Variants in LORICRIN observed in about 807,000 individuals in gnomAD.
The protein encoded by LORICRIN is loricrin cornified envelope precursor protein.
A neutral mutation model predicts 3.3 loss-of-function variants in LORICRIN; 5 were observed. The ratio of observed to expected loss-of-function variants is 1.52; its 90% CI spans 0.79 to 3.19. The LOEUF is 3.19. Ranked by LOEUF, LORICRIN falls within the 30% of genes most tolerant of loss-of-function variation. LORICRIN has a pLI of 0.00. For synonymous variants in LORICRIN, 237 were observed against 231.4 expected (o/e 1.02, Z -0.22); for missense variants, 524 against 460.2 (o/e 1.14, Z -1.27).
chr1:153,261,430 TA>T lies in LORICRIN; in HGVS notation c.482del (p.Tyr161SerfsTer178). On this transcript the variant is annotated frameshift_variant, in exon 2 of 2. Transcript: ENST00000368742. LOFTEE classifies it low-confidence loss of function (END_TRUNC). ...GGGCCAGGCGGTCCAGTGCCAGAGCTACGGAGGCGTCTCTAGCGGCGGCTCC... is the reference window on the plus strand; with the variant it reads ...GGGCCAGGCGGTCCAGTGCCAGAGCTCGGAGGCGTCTCTAGCGGCGGCTCC... ...FSGQAVQCQS[Y>X]GGVSSGGSSG... is the part of the protein sequence containing the mutation. 1 of 1,478,044 alleles carries T rather than the reference TA, an allele frequency of 6.8e-7. No individual in the cohort carries two copies. The highest frequency in any genetic ancestry group is 1.3e-5 in the South Asian group (1 of 79,292). 91.6% of individuals were successfully genotyped at this position (1,478,044 alleles called of 1,614,324 possible).
intron 1 of LORICRIN, 127 bp from the exon 2 acceptor site, chr1:153,260,800 C>T (rs895792078): frequency 1.7e-6 from 1 of 596,866 alleles, no homozygotes; most frequent in Non-Finnish European, 2.9e-6. Flanking sequence ...TCATAAGAAA[C>T]CCCGCTGAGG....
In LORICRIN at chr1:153,261,723, G is replaced by A; in HGVS notation, c.774G>A (p.Gly258=). The change falls in exon 2 of 2, where the codon GGG becomes GGA. Residue 258 remains glycine, a synonymous_variant. Coordinates refer to ENST00000368742, the MANE Select transcript of LORICRIN (RefSeq NM_000427.3). ...CCGGCTGCGGCGGCGGCTCCTCCGG[G>A]ATTGGCAGCGGCTGCATCATCAGTG... is the stretch of plus-strand genomic sequence containing the variant. ...GSSGCGGGSS[G]IGSGCIISGG... The A allele has an allele frequency of 6.4e-7, 1 of 1,570,408 alleles. No homozygotes were observed. Among genetic ancestry groups the A allele is most frequent in the Non-Finnish European group, 8.6e-7 (1 of 1,165,386 alleles).
At position 153,261,492 on chromosome 1, in the gene LORICRIN, G is replaced by GGGCGGC; in HGVS notation, c.547_552dup (p.Gly183_Gly184dup). ...GCTCCGGCTGCTTCTCCAGCGGCGG[G>GGGCGGC]GGCGGCGGCTCTGTCTGCGGCTACT... On this transcript the variant is annotated inframe_insertion, in exon 2 of 2. Coordinates refer to ENST00000368742, the MANE Select transcript of LORICRIN (RefSeq NM_000427.3). The GGGCGGC allele has an allele frequency of 6.8e-7, 1 of 1,467,862 alleles. No individual in the cohort carries two copies. Among genetic ancestry groups the GGGCGGC allele is most frequent in the Non-Finnish European group, 9.0e-7 (1 of 1,113,120 alleles). The allele number at this position is 1,467,862 out of a possible 1,614,324, so 90.9% of individuals were successfully genotyped here. A position where few individuals can be genotyped will look rare whatever the true frequency, so the allele number is the denominator to read the frequency against.
In LORICRIN at chr1:153,260,959, C is replaced by T. The variant is rs543979083; in HGVS notation, c.10C>T (p.Gln4Ter). ...TTCCTTCTCAGACAAGATGTCTTAT[C>T]AGAAAAAGCAGCCCACCCCTCAGCC... MSY[Q>*]KKQPTPQPPV... The change falls in exon 2 of 2, where the codon CAG becomes TAG. Residue 4 changes from glutamine to a stop codon, truncating the protein, a stop_gained. Coordinates refer to ENST00000368742, the MANE Select transcript of LORICRIN (RefSeq NM_000427.3). LOFTEE classifies it low-confidence loss of function (END_TRUNC). 1.8e-5 allele frequency: 28 copies of T among 1,597,512 alleles called. No homozygotes were observed. The highest frequency in any genetic ancestry group is 2.4e-5 in the Non-Finnish European group (28 of 1,172,184).
In LORICRIN at chr1:153,261,721, G is replaced by A; in HGVS notation, c.772G>A (p.Gly258Arg). The A allele has an allele frequency of 2.6e-6, 4 of 1,565,278 alleles. No homozygotes were observed. The highest frequency in any genetic ancestry group is 3.4e-6 in the Non-Finnish European group (4 of 1,163,762). ...CTCCGGCTGCGGCGGCGGCTCCTCC[G>A]GGATTGGCAGCGGCTGCATCATCAG... is the stretch of plus-strand genomic sequence containing the variant. ...GSSGCGGGSS[G>R]IGSGCIISGG... The change falls in exon 2 of 2, where the codon GGG becomes AGG. Residue 258 changes from glycine to arginine, a missense_variant. Physicochemically the swap from Gly to Arg is moderately radical, Grantham distance 125. Transcript: ENST00000368742.
At position 153,261,033 on chromosome 1, in the gene LORICRIN, C is replaced by A; in HGVS notation, c.84C>A (p.Gly28=). The change falls in exon 2 of 2, where the codon GGC becomes GGA. Residue 28 remains glycine (G), a synonymous_variant. Transcript: ENST00000368742. ...KTSGGGGGGG[G]SGGGGCGFFG... is the part of the protein sequence containing the mutation. ...CTGGCGGCGGTGGCGGTGGCGGCGG[C>A]AGCGGCGGTGGTGGCTGCGGCTTCT... 1 of 1,506,856 alleles carries A rather than the reference C, an allele frequency of 6.6e-7. No individual in the cohort carries two copies. The highest frequency in any genetic ancestry group is 9.1e-7 in the Non-Finnish European group (1 of 1,103,358). 93.3% of individuals were successfully genotyped at this position (1,506,856 alleles called of 1,614,324 possible). A position where few individuals can be genotyped will look rare whatever the true frequency, so the allele number is the denominator to read the frequency against.
chr1:153,261,421 T>C lies in LORICRIN; in HGVS notation c.472T>C (p.Cys158Arg). Residue 158 changes from cysteine (C) to arginine (R), a missense_variant, in exon 2 of 2, where the codon TGC becomes CGC. Coordinates refer to ENST00000368742, the MANE Select transcript of LORICRIN (RefSeq NM_000427.3). ...CGGCTTCTCGGGCCAGGCGGTCCAGTGCCAGAGCTACGGAGGCGTCTCTAG... is the reference window on the plus strand; with the variant it reads ...CGGCTTCTCGGGCCAGGCGGTCCAGCGCCAGAGCTACGGAGGCGTCTCTAG... ...GGGFSGQAVQ[C>R]QSYGGVSSGG... 1 of 1,460,762 alleles carries C rather than the reference T, an allele frequency of 6.8e-7. No homozygotes were observed. The highest frequency in any genetic ancestry group is 1.3e-5 in the South Asian group (1 of 79,088). 90.5% of individuals were successfully genotyped at this position (1,460,762 alleles called of 1,614,324 possible). A position where few individuals can be genotyped will look rare whatever the true frequency, so the allele number is the denominator to read the frequency against.
Position 153,261,167 on chromosome 1 carries a change from G to T in LORICRIN, c.218G>T (p.Gly73Val). 7.5e-7 allele frequency: 1 copy of T among 1,340,050 alleles called. No homozygotes were observed. Among genetic ancestry groups the T allele is most frequent in the Non-Finnish European group, 9.5e-7 (1 of 1,055,686 alleles). The allele number at this position is 1,340,050 out of a possible 1,614,324, so 83.0% of individuals were successfully genotyped here. The change falls in exon 2 of 2, where the codon GGC (glycine) becomes GTC (valine). Residue 73 changes from glycine to valine, a missense_variant. By Grantham distance (109) the Gly-to-Val change is moderately radical (BLOSUM62 -3). Coordinates refer to ENST00000368742, the MANE Select transcript of LORICRIN (RefSeq NM_000427.3). ...GCGGGSSGGG[G>V]GGGIGGCGGG... ...GGCGGGGGCTCCTCCGGCGGCGGGGGCGGGGGCGGCATTGGAGGCTGCGGA... is the reference window on the plus strand; with the variant it reads ...GGCGGGGGCTCCTCCGGCGGCGGGGTCGGGGGCGGCATTGGAGGCTGCGGA...
In LORICRIN at chr1:153,261,586, C is replaced by T; in HGVS notation, c.637C>T (p.Gln213Ter). The T allele has an allele frequency of 6.6e-7, 1 of 1,514,080 alleles. No homozygotes were observed. The highest frequency in any genetic ancestry group is 8.8e-7 in the Non-Finnish European group (1 of 1,139,144). The allele number at this position is 1,514,080 out of a possible 1,614,324, so 93.8% of individuals were successfully genotyped here. A position where few individuals can be genotyped will look rare whatever the true frequency, so the allele number is the denominator to read the frequency against. Residue 213 changes from glutamine (Q) to a stop codon, truncating the protein, a stop_gained, in exon 2 of 2, where the codon CAG becomes TAG. Transcript: ENST00000368742. LOFTEE classifies it low-confidence loss of function (END_TRUNC). ...CGGCTCCGGCTACGTCTCCTCGCAG[C>T]AGGTCACTCAGACCTCGTGCGCGCC... Reference protein sequence around the residue: ...GSGSGYVSSQQVTQTSCAPQP... With the variant: ...GSGSGYVSSQ
rs571942964 is a variant in LORICRIN, at chr1:153,261,675, C to T, written c.726C>T (p.Ser242=). 2.1e-4 allele frequency: 316 copies of T among 1,521,264 alleles called. No individual in the cohort carries two copies. The highest frequency in any genetic ancestry group is 2.7e-4 in the Non-Finnish European group (305 of 1,144,072). The allele number at this position is 1,521,264 out of a possible 1,614,324, so 94.2% of individuals were successfully genotyped here. A position where few individuals can be genotyped will look rare whatever the true frequency, so the allele number is the denominator to read the frequency against. The part of the protein sequence containing the change: ...GGGSGGSGCF[S]SGGGGGSSGC... ...GCAGCGGCGGAAGCGGCTGCTTCTC[C>T]AGCGGCGGGGGCGGCGGGAGCTCCG... The change falls in exon 2 of 2, where the codon TCC becomes TCT. Residue 242 remains serine (S), a synonymous_variant. Coordinates refer to ENST00000368742, the MANE Select transcript of LORICRIN (RefSeq NM_000427.3).
Position 153,260,914 on chromosome 1 carries a change from TCTC to T in LORICRIN, c.-23-11_-23-9del. The T allele has an allele frequency of 6.5e-7, 1 of 1,538,454 alleles. No homozygotes were observed. Among genetic ancestry groups the T allele is most frequent in the Non-Finnish European group, 8.9e-7 (1 of 1,127,156 alleles). ...TGCAGCTGGTCCAGCGATGCTCTCTTCTCCCCTTCCAGGCTCTCCTTCCTTCTC... is the reference window on the plus strand; with the variant it reads ...TGCAGCTGGTCCAGCGATGCTCTCTTCCCTTCCAGGCTCTCCTTCCTTCTC... On this transcript the variant is annotated splice_polypyrimidine_tract_variant and intron_variant, in intron 1 of 1. Transcript: ENST00000368742.
In LORICRIN at chr1:153,261,137, G is replaced by T. The variant is rs895518539; in HGVS notation, c.188G>T (p.Gly63Val). The change falls in exon 2 of 2, where the codon GGC becomes GTC. Residue 63 changes from glycine to valine, a missense_variant. Physicochemically the swap from Gly to Val is moderately radical, Grantham distance 109. Coordinates refer to ENST00000368742, the MANE Select transcript of LORICRIN (RefSeq NM_000427.3). ...GGCGGCGGTGGCTACTCTGGCGGCGGCTGCGGCGGGGGCTCCTCCGGCGGC... is the reference window on the plus strand; with the variant it reads ...GGCGGCGGTGGCTACTCTGGCGGCGTCTGCGGCGGGGGCTCCTCCGGCGGC... The part of the protein sequence containing the change: ...YSGGGGYSGG[G>V]CGGGSSGGGG... The T allele has an allele frequency of 7.4e-7, 1 of 1,351,310 alleles. No homozygotes were observed. 83.7% of individuals were successfully genotyped at this position (1,351,310 alleles called of 1,614,324 possible). A position where few individuals can be genotyped will look rare whatever the true frequency, so the allele number is the denominator to read the frequency against.
rs886041212 is a variant in LORICRIN at position 153,261,627 on chromosome 1, A to AG, written c.684dup (p.Ser229ValfsTer107). On this transcript the variant is annotated frameshift_variant, in exon 2 of 2. Transcript: ENST00000368742. LOFTEE classifies it low-confidence loss of function (END_TRUNC). The stretch of plus-strand genomic sequence containing the variant: ...CGTGCGCGCCCCAGCCGAGTTACGG[A>AG]GGGGGGTCGTCCGGCGGCGGCGGCA... 2.7e-6 allele frequency: 4 copies of AG among 1,487,824 alleles called. No individual in the cohort carries two copies. The highest frequency in any genetic ancestry group is 3.5e-6 in the Non-Finnish European group (4 of 1,127,808). 92.2% of individuals were successfully genotyped at this position (1,487,824 alleles called of 1,614,324 possible).
Position 153,261,734 on chromosome 1 carries a change from G to C in LORICRIN, c.785G>C (p.Gly262Ala). The C allele has an allele frequency of 6.3e-7, 1 of 1,586,844 alleles. No homozygotes were observed. ...GGCGGCTCCTCCGGGATTGGCAGCG[G>C]CTGCATCATCAGTGGCGGGGGCTCC... ...CGGGSSGIGS[G>A]CIISGGGSVC... The change falls in exon 2 of 2, where the codon GGC (glycine) becomes GCC (alanine). Residue 262 changes from glycine (G) to alanine (A), a missense_variant. Physicochemically the swap from Gly to Ala is moderately conservative, Grantham distance 60. Coordinates refer to ENST00000368742, the MANE Select transcript of LORICRIN (RefSeq NM_000427.3).
At chr1:153,260,447 G>A (rs181486062) in intron 1 of LORICRIN, among the ~76,000 whole-genome samples, 4 of 152,302 alleles carry the variant, frequency 2.6e-5, no homozygotes, top group African/African-American at 9.6e-5. Flanking sequence ...AGAGGATGGA[G>A]TGCAACAGCC....
chr1:153,259,988 T>C (rs919349168), intron 1 of LORICRIN, among the ~76,000 whole-genome samples: 10 of 152,102 alleles, frequency 6.6e-5, no homozygotes, highest in African/African-American at 2.4e-4. Flanking sequence ...GGCACCCGCA[T>C]AGGGGCAGGC....
rs769353128 is a variant in LORICRIN, at chr1:153,261,031, GGCA to G, written c.85_87del (p.Ser29del). The stretch of plus-strand genomic sequence containing the variant: ...CTCTGGCGGCGGTGGCGGTGGCGGC[GGCA>G]GCGGCGGTGGTGGCTGCGGCTTCTT... On this transcript the variant is annotated inframe_deletion, in exon 2 of 2. Coordinates refer to ENST00000368742, the MANE Select transcript of LORICRIN (RefSeq NM_000427.3). 163 of 1,551,714 alleles carry G rather than the reference GGCA, an allele frequency of 1.1e-4. No individual in the cohort carries two copies. The highest frequency in any genetic ancestry group is 1.2e-4 in the Non-Finnish European group (141 of 1,142,610).
At chr1:153,260,721 G>C (rs1372638309) in intron 1 of LORICRIN, among the ~76,000 whole-genome samples, 1 of 152,164 alleles carries the variant, frequency 6.6e-6, no homozygotes, top group Non-Finnish European at 1.5e-5. Flanking sequence ...ACTGCTAACT[G>C]GGCTGTTTAA....
At position 153,261,952 on chromosome 1, in the gene LORICRIN, A is replaced by T; in HGVS notation, c.*64A>T. 1 of 1,514,956 alleles carries T rather than the reference A, an allele frequency of 6.6e-7. No individual in the cohort carries two copies. Among genetic ancestry groups the T allele is most frequent in the Non-Finnish European group, 9.0e-7 (1 of 1,105,594 alleles). The allele number at this position is 1,514,956 out of a possible 1,614,324, so 93.8% of individuals were successfully genotyped here. A position where few individuals can be genotyped will look rare whatever the true frequency, so the allele number is the denominator to read the frequency against. On this transcript the variant is annotated 3_prime_UTR_variant, in exon 2 of 2. Coordinates refer to ENST00000368742, the MANE Select transcript of LORICRIN (RefSeq NM_000427.3). ...GTTTTCCAGGGGCACCGATGGGCTT[A>T]GAGCTCTCATGATGCTACCCGAGGT...
Sources: allele counts gnomAD v4.1 joint callset (sites outside exome capture counted in the v4.1 genomes callset), GRCh38; gene constraint gnomAD v4.1.1; transcripts MANE v1.5; gene names NCBI Gene and HGNC (gene_info 2026-07-23, HGNC 2026-07-21).